PCDH15: variants seen among roughly 807,000 people sequenced by gnomAD.
PCDH15 encodes the protein protocadherin-15.
A neutral mutation model predicts 178.5 loss-of-function variants in PCDH15; 129 were observed. The ratio of observed to expected loss-of-function variants is 0.72; its 90% CI spans 0.63 to 0.84. The LOEUF (loss-of-function observed/expected upper bound fraction) is 0.84, where lower values mean the gene tolerates loss of function less well. Ranked by LOEUF, PCDH15 falls within the 40% of genes least tolerant of loss-of-function variation. PCDH15 has a pLI of 0.00. For missense variants in PCDH15, 2,230 were observed against 2,099.9 expected (o/e 1.06, Z -1.21); for synonymous variants, 800 against 732.0 (o/e 1.09, Z -1.50).
At chr10:54,378,246 TA>T (rs201284925) in intron 4 of PCDH15, among the ~76,000 whole-genome samples, 22 of 151,532 alleles carry the variant, frequency 1.5e-4, no homozygotes, top group Admixed American at 4.0e-4. Context: ...ATATTCTTAA[TA>T]AAAAAAAATT....
chr10:55,175,568 G>A (rs963501781), intron 1 of PCDH15, among the ~76,000 whole-genome samples: 1 of 149,978 alleles, frequency 6.7e-6, no homozygotes, highest in Admixed American at 6.7e-5. Flanking sequence ...GGGGTGGCTG[G>A]CGCAAGAGAA....
intron 2 of PCDH15, among the ~76,000 whole-genome samples, chr10:55,585,741 GTA>G (rs964645872): frequency 2.5e-4 from 38 of 151,788 alleles, no homozygotes; most frequent in African/African-American, 7.0e-4. Context: ...ATATGTGTGT[GTA>G]TATATATATG....
chr10:54,975,541 C>G (rs1390281060), intron 2 of PCDH15, among the ~76,000 whole-genome samples: 1 of 152,010 alleles, frequency 6.6e-6, no homozygotes, highest in Admixed American at 6.6e-5. Flanking sequence ...GCAGTAACAA[C>G]TAACAGACAA....
At position 53,806,749 on chromosome 10, in the gene PCDH15, C is replaced by T; in HGVS notation, c.5053G>A (p.Val1685Met). 1 of 1,613,832 alleles carries T rather than the reference C, an allele frequency of 6.2e-7. No homozygotes were observed. The highest frequency in any genetic ancestry group is 2.2e-5 in the East Asian group (1 of 44,864). Residue 1685 changes from valine to methionine, a missense_variant, in exon 38 of 38, where the codon GTG (valine) becomes ATG (methionine). By Grantham distance (21) the Val-to-Met change is conservative. Transcript: ENST00000644397. ...PCPVGTDNTAVKPLRNRLKST... is the reference protein window; with the variant it reads ...PCPVGTDNTAMKPLRNRLKST... ...TTCAGCCTGTTCCTTAGTGGCTTCA[C>T]CGCTGTATTGTCAGTCCCCACAGGG... is the stretch of plus-strand genomic sequence containing the variant.
chr10:53,823,116 G>A, intron 32 of PCDH15: 1 of 1,614,010 alleles, frequency 6.2e-7, no homozygotes, highest in Admixed American at 1.7e-5. Context: ...TGAATTTGTT[G>A]ATACTTGACT....
intron 2 of PCDH15, among the ~76,000 whole-genome samples, chr10:55,371,592 GCACTTCCCCCAT>G (rs1348072140): frequency 7.2e-5 from 11 of 151,948 alleles, no homozygotes; most frequent in African/African-American, 2.7e-4. Flanking sequence ...AAAGTGTGTA[GCACTTCCCCCAT>G]CACTCTCTCT....
At chr10:54,303,696 A>T (rs927845488) in intron 8 of PCDH15, among the ~76,000 whole-genome samples, 1 of 152,152 alleles carries the variant, frequency 6.6e-6, no homozygotes, top group African/African-American at 2.4e-5. Flanking sequence ...GGAAATATTT[A>T]TAACCTAAGT....
intron 2 of PCDH15, among the ~76,000 whole-genome samples, chr10:55,476,988 G>A (rs957691883): frequency 9.2e-5 from 14 of 151,420 alleles, no homozygotes; most frequent in South Asian, 2.1e-4. Context: ...ATACTTCTTC[G>A]ACAAATAAAA....
chr10:54,186,631 A>G (rs1336534742), intron 11 of PCDH15, among the ~76,000 whole-genome samples: 2 of 152,002 alleles, frequency 1.3e-5, no homozygotes, highest in South Asian at 2.1e-4. Context: ...TGGAACAATA[A>G]GAAAGTAATA....
intron 2 of PCDH15, among the ~76,000 whole-genome samples, chr10:55,395,110 T>A (rs1315016996): frequency 6.6e-6 from 1 of 151,972 alleles, no homozygotes; most frequent in African/African-American, 2.4e-5. Flanking sequence ...AGTTTCCTTA[T>A]TTGGTCATGA....
At chr10:53,951,905 G>C (rs896027698) in intron 23 of PCDH15, among the ~76,000 whole-genome samples, 8 of 152,332 alleles carry the variant, frequency 5.3e-5, no homozygotes, top group African/African-American at 1.9e-4. Flanking sequence ...GCTGGCTGCT[G>C]TGGTGGGAAG....
chr10:53,811,703 C>T, intron 35 of PCDH15, 84 bp from the exon 36 acceptor site: 1 of 743,490 alleles, frequency 1.3e-6, no homozygotes. Context: ...ACCTAGAATT[C>T]CATGATTCTC....
chr10:54,201,444 T>C (rs543625330), intron 10 of PCDH15, among the ~76,000 whole-genome samples: 2 of 151,926 alleles, frequency 1.3e-5, no homozygotes, highest in Non-Finnish European at 2.9e-5. Context: ...AATATAATCA[T>C]ATTGCTTGTA....
chr10:54,361,778 A>G (rs563277723), intron 5 of PCDH15, among the ~76,000 whole-genome samples: 304 of 152,130 alleles, frequency 2.0e-3, no homozygotes, highest in Middle Eastern at 6.8e-3. Context: ...TACACTCTAC[A>G]CTTTCAGATT....
intron 2 of PCDH15, among the ~76,000 whole-genome samples, chr10:54,992,507 C>G (rs556052046): frequency 1.3e-5 from 2 of 152,080 alleles, no homozygotes; most frequent in African/African-American, 4.8e-5. Flanking sequence ...AATCCCAGCA[C>G]TTTGGGAGGC....
intron 2 of PCDH15, among the ~76,000 whole-genome samples, chr10:55,507,201 C>T (rs922116944): frequency 3.3e-5 from 5 of 151,508 alleles, no homozygotes; most frequent in African/African-American, 1.2e-4. Context: ...AAGCATTTGC[C>T]ATGTATCAGG....
At chr10:53,845,205 AAAAC>A (rs919012027) in intron 28 of PCDH15, among the ~76,000 whole-genome samples, 40 of 151,938 alleles carry the variant, frequency 2.6e-4, no homozygotes, top group Admixed American at 7.9e-4. Context: ...CTATTGTCAA[AAAAC>A]AAACAAACAA....
intron 1 of PCDH15, among the ~76,000 whole-genome samples, chr10:55,233,966 A>G (rs1841302110): frequency 6.6e-6 from 1 of 152,110 alleles, no homozygotes; most frequent in Non-Finnish European, 1.5e-5. Context: ...AAACTTCACT[A>G]AACACAAAAG....
intron 25 of PCDH15, among the ~76,000 whole-genome samples, chr10:53,903,814 C>T (rs909373445): frequency 6.6e-6 from 1 of 152,084 alleles, no homozygotes; most frequent in African/African-American, 2.4e-5. Flanking sequence ...AATGGCATTT[C>T]TTTAGCTTAA....
Sources: gnomAD v4.1 joint callset for allele counts (sites outside exome capture counted in the v4.1 genomes callset) on GRCh38, gnomAD v4.1.1 for gene constraint, MANE v1.5 for transcripts, NCBI Gene and HGNC (gene_info 2026-07-23, HGNC 2026-07-21) for gene names.